The following ZNF70 variants were observed in gnomAD, a reference collection of about 807,000 sequenced individuals.
ZNF70 encodes zinc finger protein N27C7-1.
A neutral mutation model predicts 37.7 loss-of-function variants in ZNF70; 18 were observed. The ratio of observed to expected loss-of-function variants is 0.48; its 90% confidence interval spans 0.33 to 0.71. The LOEUF (loss-of-function observed/expected upper bound fraction) is 0.71, where lower values mean the gene tolerates loss of function less well. Among genes scored for constraint, ZNF70 ranks in the 30% least tolerant of loss-of-function variants. The probability of loss-of-function intolerance (pLI) is 0.02; values close to 1 mark genes in which losing one functional copy is unlikely to be tolerated. For missense variants in ZNF70, 506 were observed against 568.6 expected (o/e 0.89, Z 1.12); for synonymous variants, 219 against 220.1 (o/e 0.99, Z 0.05).
Position 23,743,058 on chromosome 22 carries a change from C to T in ZNF70, c.*742G>A, listed in dbSNP as rs1346301777. 6.6e-6 allele frequency: 1 copy of T among 152,532 alleles called. No homozygotes were observed. The highest frequency in any genetic ancestry group is 1.5e-5 in the Non-Finnish European group (1 of 68,308). The allele number at this position is 152,532 out of a possible 1,614,324, so 9.4% of individuals were successfully genotyped here. On this transcript the variant is annotated 3_prime_UTR_variant, in exon 2 of 2. Transcript: ENST00000341976. The stretch of plus-strand genomic sequence containing the variant: ...GGTTATTCCTGGAGGGCAGTCATGT[C>T]CGGTGTCCAGGCTGAGTCACGGCTG...
At position 23,744,981 on chromosome 22, in the gene ZNF70, C is replaced by T. The variant is rs1925065310; in HGVS notation, c.160G>A (p.Gly54Ser). 6.2e-7 allele frequency: 1 copy of T among 1,614,154 alleles called. No individual in the cohort carries two copies. Among genetic ancestry groups the T allele is most frequent in the Non-Finnish European group, 8.5e-7 (1 of 1,180,032 alleles). The change falls in exon 2 of 2, where the codon GGT (glycine) becomes AGT (serine). Residue 54 changes from glycine to serine, a missense_variant. Gly to Ser is a moderately conservative substitution (Grantham distance 56, BLOSUM62 0). Transcript: ENST00000341976. The part of the protein sequence containing the change: ...MAVIYKEIPL[G>S]EQDEENDDYE... ...TCATCATTTTCTTCGTCCTGCTCAC[C>T]AAGAGGGATCTCCTTGTAGATCACA...
rs1472270050 is a variant in ZNF70 at position 23,750,724 on chromosome 22, T to A, written c.-93A>T. On this transcript the variant is annotated 5_prime_UTR_variant, in exon 1 of 2. In the 5' UTR this introduces an upstream ATG that the reference lacks. Coordinates refer to ENST00000341976, the MANE Select transcript of ZNF70 (RefSeq NM_021916.4). ...CATGCTTCCCACCTCTGTCGGGGCC[T>A]TCTCCGGGTCCTCCTGCATCTGTCA... 1 of 152,516 alleles carries A rather than the reference T, an allele frequency of 6.6e-6. No individual in the cohort carries two copies. The highest frequency in any genetic ancestry group is 6.5e-5 in the Admixed American group (1 of 15,294). The allele number at this position is 152,516 out of a possible 1,614,324, so 9.4% of individuals were successfully genotyped here.
At position 23,742,696 on chromosome 22, in the gene ZNF70, C is replaced by T. The variant is rs767306151; in HGVS notation, c.*1104G>A. The stretch of plus-strand genomic sequence containing the variant: ...AGTCACCATGACTGCTCACAGTTGC[C>T]AAAGCACTTTCACAGTGGCTGTGTT... On this transcript the variant is annotated 3_prime_UTR_variant, in exon 2 of 2. Transcript: ENST00000341976. 7 of 152,328 alleles carry T rather than the reference C, an allele frequency of 4.6e-5. No individual in the cohort carries two copies. Among genetic ancestry groups the T allele is most frequent in the Non-Finnish European group, 7.3e-5 (5 of 68,134 alleles). 9.4% of individuals were successfully genotyped at this position (152,328 alleles called of 1,614,324 possible).
Position 23,745,209 on chromosome 22 carries a change from G to T in ZNF70, c.-69C>A. ...TGTTCTTCTTTGGGCCACACTTACT[G>T]TTCTCACAATCTGAAAAGAAAACAG... On this transcript the variant is annotated 5_prime_UTR_variant, in exon 2 of 2. Coordinates refer to ENST00000341976, the MANE Select transcript of ZNF70 (RefSeq NM_021916.4). 1 of 1,506,208 alleles carries T rather than the reference G, an allele frequency of 6.6e-7. No individual in the cohort carries two copies. Among genetic ancestry groups the T allele is most frequent in the Non-Finnish European group, 9.0e-7 (1 of 1,117,034 alleles). 93.3% of individuals were successfully genotyped at this position (1,506,208 alleles called of 1,614,324 possible).
At chr22:23,746,647 T>G (rs1925132525) in intron 1 of ZNF70, among the ~76,000 whole-genome samples, 1 of 151,390 alleles carries the variant, frequency 6.6e-6, no homozygotes, top group Non-Finnish European at 1.5e-5. Flanking sequence ...GGCTGGAGTA[T>G]AGTGGTGTGA....
At position 23,750,731 on chromosome 22, in the gene ZNF70, G is replaced by A. The variant is rs117755465; in HGVS notation, c.-100C>T. 6.7e-4 allele frequency: 102 copies of A among 152,594 alleles called. 1 individual carries two copies. In the East Asian group the frequency reaches 0.017, roughly 26 times the overall value. The allele number at this position is 152,594 out of a possible 1,614,324, so 9.5% of individuals were successfully genotyped here. On this transcript the variant is annotated 5_prime_UTR_variant, in exon 1 of 2. Coordinates refer to ENST00000341976, the MANE Select transcript of ZNF70 (RefSeq NM_021916.4). ...CCCACCTCTGTCGGGGCCTTCTCCG[G>A]GTCCTCCTGCATCTGTCATCCCATC...
chr22:23,745,228 A>T lies in ZNF70; in HGVS notation c.-79-9T>A, dbSNP rs1925081894. On this transcript the variant is annotated splice_polypyrimidine_tract_variant and intron_variant, in intron 1 of 1. Coordinates refer to ENST00000341976, the MANE Select transcript of ZNF70 (RefSeq NM_021916.4). The stretch of plus-strand genomic sequence containing the variant: ...CTTACTGTTCTCACAATCTGAAAAG[A>T]AAACAGGGAACTCTGTCAAGTCAGC... 1 of 1,433,158 alleles carries T rather than the reference A, an allele frequency of 7.0e-7. No individual in the cohort carries two copies. The allele number at this position is 1,433,158 out of a possible 1,614,324, so 88.8% of individuals were successfully genotyped here.
Position 23,739,212 on chromosome 22 carries a change from T to C in ZNF70, c.*4588A>G, listed in dbSNP as rs1379117697. On this transcript the variant is annotated 3_prime_UTR_variant, in exon 2 of 2. Transcript: ENST00000341976. Reference sequence around the variant, plus strand: ...AAGTCCTATGGACACTTAGAAATGTTGACACCACAGTACAGTAAGAAATAA... The same window carrying C: ...AAGTCCTATGGACACTTAGAAATGTCGACACCACAGTACAGTAAGAAATAA... 1 of 152,200 alleles carries C rather than the reference T, an allele frequency of 6.6e-6. No homozygotes were observed. Among genetic ancestry groups the C allele is most frequent in the African/African-American group, 2.4e-5 (1 of 41,446 alleles). 9.4% of individuals were successfully genotyped at this position (152,200 alleles called of 1,614,324 possible).
In ZNF70 at chr22:23,742,533, CCCAGGCTGCA is replaced by C; in HGVS notation, c.*1257_*1266del. ...ACACTGCATCCGCAGGCATACACAG[CCCAGGCTGCA>C]AGGGGTGGAGGGAGAGAAAGCCCTG... On this transcript the variant is annotated 3_prime_UTR_variant, in exon 2 of 2. Transcript: ENST00000341976. 1 of 152,316 alleles carries C rather than the reference CCCAGGCTGCA, an allele frequency of 6.6e-6. No homozygotes were observed. The highest frequency in any genetic ancestry group is 1.5e-5 in the Non-Finnish European group (1 of 68,084). The allele number at this position is 152,316 out of a possible 1,614,324, so 9.4% of individuals were successfully genotyped here.
intron 1 of ZNF70, among the ~76,000 whole-genome samples, chr22:23,748,233 C>G (rs7286477): frequency 0.085 from 12,792 of 150,722 alleles, 1,597 homozygotes; most frequent in African/African-American, 0.28. Context: ...GAACTCATTT[C>G]TACTTGGAAA....
intron 1 of ZNF70, among the ~76,000 whole-genome samples, chr22:23,749,380 A>G (rs1350765280): frequency 3.2e-4 from 40 of 125,524 alleles, no homozygotes; most frequent in Non-Finnish European, 5.5e-4. Flanking sequence ...AAAAAAAAAA[A>G]AGCCGGCCGT....
rs572652375 is a variant in ZNF70 at position 23,744,508 on chromosome 22, G to A, written c.633C>T (p.Leu211=). ...CGKAFRQSSA[L]TQHQKIHTGK... ...CGGTGTGGATCTTTTGGTGTTGCGT[G>A]AGGGCTGAGCTCTGGCGGAAGGCCT... The change falls in exon 2 of 2, where the codon CTC becomes CTT. Residue 211 remains leucine, a synonymous_variant. Transcript: ENST00000341976. The A allele has an allele frequency of 2.7e-5, 43 of 1,612,552 alleles. No homozygotes were observed. The South Asian group carries it at 4.7e-4, about 18-fold the overall frequency.
rs756581686 is a variant in ZNF70 at position 23,744,796 on chromosome 22, G to A, written c.345C>T (p.Cys115=). Residue 115 remains cysteine (C), a synonymous_variant, in exon 2 of 2, where the codon TGC becomes TGT. Transcript: ENST00000341976. ...QIIHSEEPSP[C]DCAETDRGDS... ...CCCCTCTGTCTGTTTCTGCACAATC[G>A]CATGGACTGGGCTCTTCACTGTGGA... is the stretch of plus-strand genomic sequence containing the variant. 17 of 1,614,066 alleles carry A rather than the reference G, an allele frequency of 1.1e-5. No individual in the cohort carries two copies. The Admixed American group carries it at 1.3e-4, about 13-fold the overall frequency.
At chr22:23,750,290 GT>G (rs1925280566) in intron 1 of ZNF70, among the ~76,000 whole-genome samples, 1 of 152,128 alleles carries the variant, frequency 6.6e-6, no homozygotes, top group Admixed American at 6.6e-5. Context: ...CTCTCGAAGA[GT>G]TTGGCTTTTC....
In ZNF70 at chr22:23,744,530, GC is replaced by G; in HGVS notation, c.610del (p.Ala204ProfsTer64). The G allele has an allele frequency of 6.2e-7, 1 of 1,613,884 alleles. No individual in the cohort carries two copies. The highest frequency in any genetic ancestry group is 8.5e-7 in the Non-Finnish European group (1 of 1,179,936). On this transcript the variant is annotated frameshift_variant, in exon 2 of 2. Coordinates refer to ENST00000341976, the MANE Select transcript of ZNF70 (RefSeq NM_021916.4). LOFTEE classifies it high-confidence loss of function. ...CGTGAGGGCTGAGCTCTGGCGGAAG[GC>G]CTTCCCACACTCCCGGCACTCGTAG... is the stretch of plus-strand genomic sequence containing the variant. Reference protein sequence around the residue: ...KPYECRECGKAFRQSSALTQH... With the variant: ...KPYECRECGKXFRQSSALTQH...
intron 1 of ZNF70, among the ~76,000 whole-genome samples, chr22:23,748,838 C>T (rs1195710685): frequency 5.9e-5 from 9 of 152,046 alleles, no homozygotes; most frequent in Admixed American, 5.9e-4. Flanking sequence ...AGCCACCACG[C>T]CCAGCCCAGA....
At position 23,744,252 on chromosome 22, in the gene ZNF70, G is replaced by A. The variant is rs755598971; in HGVS notation, c.889C>T (p.Arg297Ter). The A allele has an allele frequency of 1.9e-5, 31 of 1,612,876 alleles. No homozygotes were observed. The highest frequency in any genetic ancestry group is 2.4e-5 in the Non-Finnish European group (28 of 1,179,698). The change falls in exon 2 of 2, where the codon CGA becomes TGA. Residue 297 changes from arginine (R) to a stop codon, truncating the protein, a stop_gained. Transcript: ENST00000341976. LOFTEE classifies it high-confidence loss of function. ...KAFCHRSHLI[R>*]HQRIHTGKKP... is the part of the protein sequence containing the mutation. ...TTCCCAGTGTGGATCCGCTGGTGTC[G>A]GATGAGGTGTGACCTGTGACAAAAG...
chr22:23,746,017 T>C (rs537547004), intron 1 of ZNF70, among the ~76,000 whole-genome samples: 1 of 152,142 alleles, frequency 6.6e-6, no homozygotes, highest in South Asian at 2.1e-4. Flanking sequence ...ATGGGCAGCG[T>C]CTCTGTCTCT....
rs139400336 is a variant in ZNF70, at chr22:23,744,952, G to A, written c.189C>T (p.Tyr63=). 34 of 1,614,018 alleles carry A rather than the reference G, an allele frequency of 2.1e-5. No individual in the cohort carries two copies. Among genetic ancestry groups the A allele is most frequent in the African/African-American group, 4.0e-5 (3 of 74,900 alleles). Residue 63 remains tyrosine (Y), a synonymous_variant, in exon 2 of 2, where the codon TAC becomes TAT. Transcript: ENST00000341976. ...TTGAGCACAAACTGAAATTCCCCTC[G>A]TAATCATCATTTTCTTCGTCCTGCT... ...LGEQDEENDD[Y]EGNFSLCSSP... is the part of the protein sequence containing the mutation.
Sources: gnomAD v4.1 joint callset for allele counts (sites outside exome capture counted in the v4.1 genomes callset) on GRCh38, gnomAD v4.1.1 for gene constraint, MANE v1.5 for transcripts, NCBI Gene and HGNC (gene_info 2026-07-23, HGNC 2026-07-21) for gene names.